The following EXOC6B variants were observed in gnomAD, a reference collection of about 807,000 sequenced individuals.
EXOC6B encodes the protein SEC15 homolog B.
EXOC6B carries 54 observed loss-of-function variants against 113.5 expected under a neutral mutation model. The observed-to-expected ratio is 0.48, with a 90% CI of 0.38 to 0.60. The LOEUF is 0.60. Ranked by LOEUF, EXOC6B falls within the 20% of genes least tolerant of loss-of-function variation. The pLI is 0.00. For missense variants in EXOC6B, 797 were observed against 977.5 expected (o/e 0.82, Z 2.46); for synonymous variants, 357 against 339.0 (o/e 1.05, Z -0.58).
intron 6 of EXOC6B, among the ~76,000 whole-genome samples, chr2:72,641,228 G>C (rs1481875508): frequency 6.6e-6 from 1 of 152,220 alleles, no homozygotes; most frequent in African/African-American, 2.4e-5. Context: ...AGTGGGTGCA[G>C]CTCAGAGAGG....
rs185045748 is a variant in EXOC6B at position 72,469,608 on chromosome 2, T to A, written c.1801-4269A>T. Among the ~76,000 whole-genome samples, 692 of 152,248 alleles carry A rather than the reference T, an allele frequency of 4.5e-3. 14 individuals are homozygous for A. Among genetic ancestry groups the A allele is most frequent in the Admixed American group, 0.041 (629 of 15,288 alleles). ...ATTTGACATTTTCTATCTTTGTTAC[T>A]CATTTCTGGTTTAGTTTCACATGGT... On this transcript the variant is annotated intron_variant, in intron 17 of 21. Transcript: ENST00000272427.
intron 6 of EXOC6B, among the ~76,000 whole-genome samples, chr2:72,586,706 C>T (rs1383816492): frequency 2.0e-5 from 3 of 151,868 alleles, no homozygotes; most frequent in Non-Finnish European, 4.4e-5. Flanking sequence ...GAGCTGAGAT[C>T]GCGCCACTGC....
rs141138867 is a variant in EXOC6B, at chr2:72,260,577, G to A, written c.2196+74370C>T. The stretch of plus-strand genomic sequence containing the variant: ...ATTTCAAACACCCTGAAAGTGTAAC[G>A]GAAAAGAATATCATATAAAACACAG... On this transcript the variant is annotated intron_variant, in intron 20 of 21. Transcript: ENST00000272427. Among the ~76,000 whole-genome samples, 773 of 152,240 alleles carry A rather than the reference G, an allele frequency of 5.1e-3. 11 individuals are homozygous for A. The highest frequency in any genetic ancestry group is 0.018 in the African/African-American group (728 of 41,554).
At chr2:72,764,341 A>G (rs2104913468) in intron 1 of EXOC6B, among the ~76,000 whole-genome samples, 1 of 144,910 alleles carries the variant, frequency 6.9e-6, no homozygotes, top group Admixed American at 6.9e-5. Context: ...AAAATGAAGC[A>G]TTACCTCTCC....
rs1242170100 is a variant in EXOC6B at position 72,631,424 on chromosome 2, GTGTATATATATATATATA to G, written c.670-55774_670-55757del. The stretch of plus-strand genomic sequence containing the variant: ...TGTGTATATGTGTGTGTGTGTGTGT[GTGTATATATATATATATA>G]TATATATATATATATATATAGAGAG... On this transcript the variant is annotated intron_variant, in intron 6 of 21. Coordinates refer to ENST00000272427, the MANE Select transcript of EXOC6B (RefSeq NM_015189.3). Among the ~76,000 whole-genome samples, 202 of 22,334 alleles carry G rather than the reference GTGTATATATATATATATA, an allele frequency of 9.0e-3. 15 individuals are homozygous for G. Among genetic ancestry groups the G allele is most frequent in the South Asian group, 0.019 (11 of 584 alleles). The allele number at this position is 22,334 out of a possible 152,430, so 14.7% of individuals were successfully genotyped here.
At chr2:72,529,098 G>A (rs568910722) in intron 8 of EXOC6B, among the ~76,000 whole-genome samples, 4 of 152,248 alleles carry the variant, frequency 2.6e-5, no homozygotes, top group African/African-American at 9.6e-5. Flanking sequence ...TAAAAGTTGT[G>A]AGAGCAGATA....
chr2:72,454,434 G>A (rs1410630415), intron 18 of EXOC6B, among the ~76,000 whole-genome samples: 2 of 152,124 alleles, frequency 1.3e-5, no homozygotes, highest in South Asian at 2.1e-4. Flanking sequence ...GAGCTTGAGA[G>A]GGCGAGGCTG....
rs1255235039 is a variant in EXOC6B, at chr2:72,498,493, T to C, written c.1298A>G (p.Tyr433Cys). 6.2e-7 allele frequency: 1 copy of C among 1,611,994 alleles called. No homozygotes were observed. Among genetic ancestry groups the C allele is most frequent in the Non-Finnish European group, 8.5e-7 (1 of 1,179,102 alleles). Residue 433 changes from tyrosine to cysteine, a missense_variant, in exon 13 of 22, where the codon TAT becomes TGT. Physicochemically the swap from Tyr to Cys is radical, Grantham distance 194 (BLOSUM62 -2). Transcript: ENST00000272427. ...FDMLLEIRDQ[Y>C]SETLLKKWAG... ...CCACTTCTTTAGCAGAGTTTCACTATATTGGTCTCTGATTTCTAACAGCAT... is the reference window on the plus strand; with the variant it reads ...CCACTTCTTTAGCAGAGTTTCACTACATTGGTCTCTGATTTCTAACAGCAT...
intron 8 of EXOC6B, among the ~76,000 whole-genome samples, chr2:72,548,746 C>A (rs1703042587): frequency 6.6e-6 from 1 of 152,070 alleles, no homozygotes; most frequent in Non-Finnish European, 1.5e-5. Context: ...ATAATACCTG[C>A]CCTAAAAGAG....
chr2:72,330,079 AT>A (rs1238818422), intron 20 of EXOC6B, among the ~76,000 whole-genome samples: 1 of 152,138 alleles, frequency 6.6e-6, no homozygotes, highest in Non-Finnish European at 1.5e-5. Context: ...AACCTAGTTC[AT>A]TCAGCTTTAT....
intron 19 of EXOC6B, among the ~76,000 whole-genome samples, chr2:72,343,496 T>C (rs1451786193): frequency 6.6e-6 from 1 of 152,184 alleles, no homozygotes; most frequent in Non-Finnish European, 1.5e-5. Flanking sequence ...TGCCCATGTA[T>C]GTACCTTGAT....
At chr2:72,808,229 C>T (rs950316466) in intron 1 of EXOC6B, among the ~76,000 whole-genome samples, 5 of 152,106 alleles carry the variant, frequency 3.3e-5, no homozygotes, top group Non-Finnish European at 5.9e-5. Flanking sequence ...GCTGAGTTTT[C>T]CAAACTAGGT....
intron 6 of EXOC6B, among the ~76,000 whole-genome samples, chr2:72,674,354 C>T (rs562161941): frequency 6.7e-4 from 102 of 152,316 alleles, no homozygotes; most frequent in African/African-American, 2.3e-3. Context: ...TGATCACACT[C>T]CCCATCTTCT....
At chr2:72,486,791 C>T in intron 16 of EXOC6B, among the ~76,000 whole-genome samples, 1 of 152,010 alleles carries the variant, frequency 6.6e-6, no homozygotes, top group Admixed American at 6.6e-5. Flanking sequence ...CTTTCTGCTA[C>T]ATCACCCATT....
chr2:72,442,631 C>A (rs1240611379), intron 18 of EXOC6B, among the ~76,000 whole-genome samples: 1 of 152,046 alleles, frequency 6.6e-6, no homozygotes, highest in Non-Finnish European at 1.5e-5. Flanking sequence ...GAATGCAGTC[C>A]CATTCACAGT....
At chr2:72,287,430 C>CAAAAA (rs60011551) in intron 20 of EXOC6B, among the ~76,000 whole-genome samples, 4 of 105,374 alleles carry the variant, frequency 3.8e-5, no homozygotes, top group Non-Finnish European at 6.1e-5. Flanking sequence ...GACTTCATCT[C>CAAAAA]AAAAAAAAAA....
At chr2:72,498,675 TTAAA>T in intron 12 of EXOC6B, 124 bp from the exon 13 acceptor site, 1 of 599,950 alleles carries the variant, frequency 1.7e-6, no homozygotes, top group Non-Finnish European at 2.9e-6. Flanking sequence ...GAACAGCAAA[TTAAA>T]TAAAACCATT....
At chr2:72,593,573 C>T (rs1035950575) in intron 6 of EXOC6B, among the ~76,000 whole-genome samples, 4 of 150,366 alleles carry the variant, frequency 2.7e-5, no homozygotes, top group Admixed American at 2.7e-4. Flanking sequence ...CTTCAAATGC[C>T]GGGGATGCAA....
intron 19 of EXOC6B, among the ~76,000 whole-genome samples, chr2:72,379,256 T>C (rs986416587): frequency 7.2e-5 from 11 of 152,234 alleles, no homozygotes; most frequent in Non-Finnish European, 1.3e-4. Context: ...ATTTATTTGT[T>C]TAAGCCACTC....
Sources: allele counts gnomAD v4.1 joint callset (sites outside exome capture counted in the v4.1 genomes callset), GRCh38; gene constraint gnomAD v4.1.1; transcripts MANE v1.5; gene names NCBI Gene and HGNC (gene_info 2026-07-23, HGNC 2026-07-21).